The following ZFHX3 variants were observed in gnomAD, a reference collection of about 807,000 sequenced individuals.
The protein encoded by ZFHX3 is zinc finger homeobox 3.
A neutral mutation model predicts 279.1 loss-of-function variants in ZFHX3; 42 were observed. That is an observed-to-expected ratio of 0.15 (90% CI 0.12 to 0.19). The LOEUF is 0.19. Among genes scored for constraint, ZFHX3 ranks in the 10% least tolerant of loss-of-function variants. The pLI is 1.00. For missense variants in ZFHX3, 4,981 were observed against 4,754.0 expected (o/e 1.05, Z -1.40); for synonymous variants, 2,293 against 1,957.8 (o/e 1.17, Z -4.52).
At chr16:73,575,322 T>C (rs2051788248) in intron 2 of ZFHX3, among the ~76,000 whole-genome samples, 2 of 152,200 alleles carry the variant, frequency 1.3e-5, no homozygotes, top group South Asian at 4.1e-4. Context: ...TCAGAAGCTG[T>C]GTAAGGAGTT....
intron 3 of ZFHX3, among the ~76,000 whole-genome samples, chr16:73,372,373 TATAAGA>T (rs1237555069): frequency 2.6e-5 from 4 of 152,190 alleles, no homozygotes; most frequent in East Asian, 1.9e-4. Flanking sequence ...CATTAGAAAT[TATAAGA>T]ATAACACGTT....
intron 1 of ZFHX3, among the ~76,000 whole-genome samples, chr16:73,020,557 C>T (rs1964262556): frequency 6.6e-6 from 1 of 152,208 alleles, no homozygotes; most frequent in African/African-American, 2.4e-5. Context: ...TAGCCAGCTG[C>T]CCCGGCCAGG....
rs1054491999 is a variant in ZFHX3, at chr16:73,777,067, C to T, written c.-1607-96827G>A. ...TCCCCTATTTCACAAGCTAGCATCACCACGCTTTGTAAGAAGGAACACACA... is the reference window on the plus strand; with the variant it reads ...TCCCCTATTTCACAAGCTAGCATCATCACGCTTTGTAAGAAGGAACACACA... On this transcript the variant is annotated intron_variant, in intron 1 of 17. Coordinates refer to the ZFHX3 transcript ENST00000641206. Among the ~76,000 whole-genome samples, 4 of 152,290 alleles carry T rather than the reference C, an allele frequency of 2.6e-5. No homozygotes were observed. In the South Asian group the frequency reaches 6.2e-4, roughly 24 times the overall value.
intron 1 of ZFHX3, among the ~76,000 whole-genome samples, chr16:73,697,942 A>G (rs1375208585): frequency 6.6e-6 from 1 of 152,174 alleles, no homozygotes; most frequent in Middle Eastern, 3.2e-3. Context: ...GTTTTCTACA[A>G]AATCATTTAT....
At chr16:73,008,666 T>G (rs1292534543) in intron 1 of ZFHX3, among the ~76,000 whole-genome samples, 1 of 152,142 alleles carries the variant, frequency 6.6e-6, no homozygotes, top group African/African-American at 2.4e-5. Context: ...CTTGCTTATT[T>G]CAGAAGCAAA....
At chr16:73,702,237 T>C (rs114552790) in intron 1 of ZFHX3, among the ~76,000 whole-genome samples, 10 of 152,090 alleles carry the variant, frequency 6.6e-5, no homozygotes, top group African/African-American at 2.4e-4. Flanking sequence ...AAGGGGAGGA[T>C]AGACCCAAGT....
rs752231847 is a variant in ZFHX3 at position 72,959,452 on chromosome 16, G to C, written c.694C>G (p.Arg232Gly). 1 of 1,614,252 alleles carries C rather than the reference G, an allele frequency of 6.2e-7. No individual in the cohort carries two copies. Among genetic ancestry groups the C allele is most frequent in the Non-Finnish European group, 8.5e-7 (1 of 1,180,038 alleles). The change falls in exon 2 of 10, where the codon CGC becomes GGC. Residue 232 changes from arginine (R) to glycine (G), a missense_variant. By Grantham distance (125) the Arg-to-Gly change is moderately radical. This residue lies in a region of ZFHX3 where 1,068 missense variants were observed against 935.2 expected (regional missense o/e 1.14). Coordinates refer to ENST00000268489, the MANE Select transcript of ZFHX3 (RefSeq NM_006885.4). Reference protein sequence around the residue: ...AGLSPVLHSFRVFDVRHKSNK... With the variant: ...AGLSPVLHSFGVFDVRHKSNK... The stretch of plus-strand genomic sequence containing the variant: ...CTTTTGTGTCGCACGTCAAACACGC[G>C]GAAGCTGTGCAGGACGGGGCTGAGC...
At chr16:73,588,068 T>G (rs567550108) in intron 2 of ZFHX3, among the ~76,000 whole-genome samples, 1 of 151,496 alleles carries the variant, frequency 6.6e-6, no homozygotes, top group Non-Finnish European at 1.5e-5. Context: ...TCTGAATACA[T>G]GCAGTTAAAC....
intron 2 of ZFHX3, among the ~76,000 whole-genome samples, chr16:73,581,112 T>C (rs750847981): frequency 1.5e-4 from 23 of 151,930 alleles, no homozygotes; most frequent in Admixed American, 4.6e-4. Context: ...TAGAAAAATG[T>C]TCTTTATTTT....
At chr16:73,889,766 GT>G (rs2030467753) in intron 1 of ZFHX3, among the ~76,000 whole-genome samples, 2 of 152,118 alleles carry the variant, frequency 1.3e-5, no homozygotes, top group African/African-American at 4.8e-5. Flanking sequence ...TTTTCTTGAA[GT>G]TGACAGCGGC....
At position 72,793,463 on chromosome 16, in the gene ZFHX3, A is replaced by T. The variant is rs2035784782; in HGVS notation, c.9219T>A (p.Arg3073=). The change falls in exon 9 of 10, where the codon CGT becomes CGA. Residue 3073 remains arginine (R), a synonymous_variant. Transcript: ENST00000268489. The surrounding 1 kb of genome is among the most constrained non-coding windows in gnomAD (Gnocchi z 4.3). ...CCAACTCTTGTTGAGCCATCAACTGACGTACGGTGGCTGGGTCAAAGTATT... is the reference window on the plus strand; with the variant it reads ...CCAACTCTTGTTGAGCCATCAACTGTCGTACGGTGGCTGGGTCAAAGTATT... The part of the protein sequence containing the change: ...EKEYFDPATV[R]QLMAQQELDR... 6.2e-7 allele frequency: 1 copy of T among 1,614,186 alleles called. No individual in the cohort carries two copies. The highest frequency in any genetic ancestry group is 8.5e-7 in the Non-Finnish European group (1 of 1,180,036).
chr16:73,830,794 G>C (rs1960976056), intron 1 of ZFHX3, among the ~76,000 whole-genome samples: 1 of 152,164 alleles, frequency 6.6e-6, no homozygotes, highest in African/African-American at 2.4e-5. Context: ...AATCCTGGAT[G>C]CCAAATTTCT....
intron 4 of ZFHX3, among the ~76,000 whole-genome samples, chr16:73,298,506 T>G (rs866857986): frequency 6.6e-6 from 1 of 151,972 alleles, no homozygotes. Context: ...CGTCGTTTTT[T>G]TTTTTTTTTT....
At chr16:73,788,415 G>A (rs994886943) in intron 1 of ZFHX3, among the ~76,000 whole-genome samples, 3 of 152,146 alleles carry the variant, frequency 2.0e-5, no homozygotes, top group African/African-American at 7.2e-5. Flanking sequence ...CTCCTCAGAA[G>A]AAATAGAAGT....
At chr16:73,408,295 G>T (rs1015181693) in intron 3 of ZFHX3, among the ~76,000 whole-genome samples, 1 of 152,074 alleles carries the variant, frequency 6.6e-6, no homozygotes, top group African/African-American at 2.4e-5. Context: ...GAGCAGAATC[G>T]ACTAGAGAGG....
chr16:73,054,614 G>A (rs1257143100), intron 1 of ZFHX3, among the ~76,000 whole-genome samples: 4 of 152,024 alleles, frequency 2.6e-5, no homozygotes, highest in African/African-American at 9.7e-5. Context: ...GACAATACAG[G>A]GGAAGAGAGG....
chr16:73,170,630 C>G (rs1967499315), intron 5 of ZFHX3, among the ~76,000 whole-genome samples: 1 of 152,104 alleles, frequency 6.6e-6, no homozygotes, highest in African/African-American at 2.4e-5. Context: ...TTTTTGCCCC[C>G]AGGACAGCTT....
In ZFHX3 at chr16:72,783,170, TA is replaced by T. The variant is rs2035196719; in HGVS notation, c.*3993del. On this transcript the variant is annotated 3_prime_UTR_variant, in exon 10 of 10. Transcript: ENST00000268489. ...ACATCATTTTTGGTTTCACTTGCTC[TA>T]TTTTTTTTGTTGTTTTTTGTTTTTT... 6.6e-6 allele frequency: 1 copy of T among 152,462 alleles called. No individual in the cohort carries two copies. The allele number at this position is 152,462 out of a possible 1,614,324, so 9.4% of individuals were successfully genotyped here.
At chr16:73,299,357 A>G (rs7191280) in intron 4 of ZFHX3, among the ~76,000 whole-genome samples, 104,236 of 152,044 alleles carry the variant, frequency 0.69, 36,382 homozygotes, top group African/African-American at 0.76. Flanking sequence ...CTCTATCCCC[A>G]GCCACCTCCT....
Sources: allele counts gnomAD v4.1 joint callset (sites outside exome capture counted in the v4.1 genomes callset), GRCh38; gene constraint gnomAD v4.1.1; regional missense constraint gnomAD v4.1.1; non-coding constraint Gnocchi (gnomAD v3.1); transcripts MANE v1.5; gene names NCBI Gene and HGNC (gene_info 2026-07-23, HGNC 2026-07-21).